The following CNKSR2 variants were observed in gnomAD, a reference collection of about 807,000 sequenced individuals.
CNKSR2 encodes the protein connector enhancer of kinase suppressor of Ras 2.
A neutral mutation model predicts 84.4 loss-of-function variants in CNKSR2; 14 were observed. The ratio of observed to expected loss-of-function variants is 0.17; its 90% CI spans 0.11 to 0.26. CNKSR2 has a LOEUF of 0.26. CNKSR2 is among the 10% of genes least tolerant of loss of function. The probability of loss-of-function intolerance (pLI) is 1.00; values close to 1 mark genes in which losing one functional copy is unlikely to be tolerated. For missense variants in CNKSR2, 485 were observed against 771.2 expected (o/e 0.63, Z 4.40); for synonymous variants, 275 against 277.9 (o/e 0.99, Z 0.10).
intron 18 of CNKSR2, among the ~76,000 whole-genome samples, chrX:21,603,551 T>C (rs1378163151): frequency 8.9e-6 from 1 of 112,730 alleles, no homozygotes; most frequent in African/African-American, 3.2e-5. Flanking sequence ...AGTGACTCTT[T>C]CATTGACTTA....
At position 21,650,237 on chromosome X, in the gene CNKSR2, A is replaced by G. The variant is rs1407358340; in HGVS notation, c.2889+1210A>G. 2.7e-5 allele frequency among the ~76,000 whole-genome samples: 3 copies of G among 111,198 alleles called. No homozygotes were observed. The Admixed American group carries it at 2.9e-4, about 11-fold the overall frequency. On this transcript the variant is annotated intron_variant, in intron 21 of 21. Transcript: ENST00000379510. ...TGGCACATATACACCATGGAATACT[A>G]TGCAGCCATAAAAAAGGATGAGTTC... is the stretch of plus-strand genomic sequence containing the variant.
intron 18 of CNKSR2, among the ~76,000 whole-genome samples, chrX:21,606,228 G>A (rs142450001): frequency 0.035 from 3,952 of 111,745 alleles, 72 homozygotes; most frequent in Non-Finnish European, 0.053. Context: ...CCAAGGAGAG[G>A]TGGGAGTATG....
chrX:21,550,218 A>G (rs2092073131), intron 11 of CNKSR2, among the ~76,000 whole-genome samples: 1 of 112,159 alleles, frequency 8.9e-6, no homozygotes, highest in Non-Finnish European at 1.9e-5. Flanking sequence ...AATTAAACAA[A>G]TGTACAAGAA....
At chrX:21,603,178 C>A (rs964898644) in intron 18 of CNKSR2, among the ~76,000 whole-genome samples, 2 of 112,278 alleles carry the variant, frequency 1.8e-5, no homozygotes, top group African/African-American at 6.5e-5. Flanking sequence ...CTAGTAGTTA[C>A]AATTTAATGC....
At chrX:21,495,495 A>G (rs2091484226) in intron 6 of CNKSR2, 2 of 110,237 alleles carry the variant, frequency 1.8e-5, no homozygotes, top group South Asian at 7.8e-4. Context: ...GTCAAAAACT[A>G]AAAATTGGCC....
intron 20 of CNKSR2, among the ~76,000 whole-genome samples, chrX:21,636,723 G>A: frequency 9.0e-6 from 1 of 110,840 alleles, no homozygotes; most frequent in South Asian, 3.8e-4. Flanking sequence ...AAGTGGGAAG[G>A]AGGTATACAA....
intron 1 of CNKSR2, among the ~76,000 whole-genome samples, chrX:21,419,802 A>T (rs1185099051): frequency 8.9e-6 from 1 of 112,026 alleles, no homozygotes; most frequent in African/African-American, 3.3e-5. Flanking sequence ...TGAGACAAGC[A>T]CCCTTGTGGC....
At chrX:21,415,291 A>T (rs190514880) in intron 1 of CNKSR2, among the ~76,000 whole-genome samples, 69 of 110,802 alleles carry the variant, frequency 6.2e-4, no homozygotes, top group African/African-American at 2.1e-3. Context: ...GTTGATTCCT[A>T]GGTGTTTAAC....
intron 20 of CNKSR2, among the ~76,000 whole-genome samples, chrX:21,621,782 C>G (rs981622945): frequency 2.7e-5 from 3 of 110,721 alleles, no homozygotes; most frequent in African/African-American, 9.8e-5. Context: ...AGATACTGTC[C>G]CCAAAAGAAG....
chrX:21,594,890 C>A, intron 15 of CNKSR2, 84 bp from the exon 16 acceptor site: 1 of 695,036 alleles, frequency 1.4e-6, no homozygotes, highest in South Asian at 2.7e-5. Flanking sequence ...TTTATTAGTA[C>A]AGATATCTAA....
chrX:21,528,184 A>G (rs2091852908), intron 10 of CNKSR2, among the ~76,000 whole-genome samples: 1 of 111,083 alleles, frequency 9.0e-6, no homozygotes, highest in Non-Finnish European at 1.9e-5. Flanking sequence ...ATACAAATCC[A>G]TCCAATATCC....
chrX:21,648,069 A>G (rs2092710984), intron 20 of CNKSR2, among the ~76,000 whole-genome samples: 1 of 111,709 alleles, frequency 9.0e-6, no homozygotes, highest in Admixed American at 9.5e-5. Flanking sequence ...AAAATATTTA[A>G]CTGGAGTATT....
At chrX:21,523,070 G>A (rs769501277) in intron 9 of CNKSR2, among the ~76,000 whole-genome samples, 29 of 110,734 alleles carry the variant, frequency 2.6e-4, no homozygotes, top group Non-Finnish European at 4.0e-4. Flanking sequence ...GCATGCCAGT[G>A]CCCCCAGAAA....
At position 21,649,046 on chromosome X, in the gene CNKSR2, G is replaced by A; in HGVS notation, c.2889+19G>A. ...TTTAAAGGTAAGACAAGAAATGGAA[G>A]GACAAATTTCTTTGAAGAGATTCAT... is the stretch of plus-strand genomic sequence containing the variant. On this transcript the variant is annotated intron_variant, in intron 21 of 21. Transcript: ENST00000379510. The A allele has an allele frequency of 1.8e-6, 2 of 1,096,279 alleles. No individual in the cohort carries two copies. The highest frequency in any genetic ancestry group is 2.2e-5 in the South Asian group (1 of 46,498). 90.3% of individuals were successfully genotyped at this position (1,096,279 alleles called of 1,213,427 possible).
At chrX:21,550,590 T>C (rs1185910109) in intron 11 of CNKSR2, among the ~76,000 whole-genome samples, 1 of 112,197 alleles carries the variant, frequency 8.9e-6, no homozygotes, top group Non-Finnish European at 1.9e-5. Context: ...GGATAATAAA[T>C]CATTCTTTTA....
intron 11 of CNKSR2, among the ~76,000 whole-genome samples, chrX:21,549,360 A>G (rs1394258045): frequency 8.9e-6 from 1 of 111,943 alleles, no homozygotes; most frequent in Non-Finnish European, 1.9e-5. Context: ...CTTACAAGGG[A>G]TGTGAAGGAC....
intron 20 of CNKSR2, chrX:21,642,108 CTT>C (rs1440832502): frequency 1.3e-6 from 1 of 748,271 alleles, no homozygotes; most frequent in Non-Finnish European, 1.6e-6. Context: ...ATTTTTAAAA[CTT>C]GACGTGCTGT....
chrX:21,625,943 T>C (rs1052165848), intron 20 of CNKSR2, among the ~76,000 whole-genome samples: 3 of 111,913 alleles, frequency 2.7e-5, no homozygotes, highest in Non-Finnish European at 5.6e-5. Context: ...AAATAATATT[T>C]ATGGAGGCAA....
intron 4 of CNKSR2, among the ~76,000 whole-genome samples, chrX:21,455,129 G>T (rs1185413071): frequency 9.0e-6 from 1 of 111,434 alleles, no homozygotes; most frequent in African/African-American, 3.3e-5. Flanking sequence ...GTAAATCAAT[G>T]GATTTTATAT....
Sources: gnomAD v4.1 joint callset for allele counts (sites outside exome capture counted in the v4.1 genomes callset) on GRCh38, gnomAD v4.1.1 for gene constraint, MANE v1.5 for transcripts, NCBI Gene and HGNC (gene_info 2026-07-23, HGNC 2026-07-21) for gene names.